Variants in ELAPOR2 observed in about 807,000 individuals in gnomAD.
ELAPOR2 encodes endosome-lysosome associated apoptosis and autophagy regulator family member 2, also known as endosome/lysosome-associated apoptosis and autophagy regulator family member 2.
In ELAPOR2, 89 loss-of-function variants were observed where a neutral mutation model predicts 120.7. The observed-to-expected ratio is 0.74, with a 90% CI of 0.62 to 0.88. The LOEUF is 0.88. Among genes scored for constraint, ELAPOR2 ranks in the 40% least tolerant of loss-of-function variants. ELAPOR2 has a pLI of 0.00. For synonymous variants in ELAPOR2, 444 were observed against 444.9 expected (o/e 1.00, Z 0.03); for missense variants, 1,134 against 1,251.6 (o/e 0.91, Z 1.42).
intron 1 of ELAPOR2, among the ~76,000 whole-genome samples, chr7:86,974,580 AGTGTGTGTGTGTGT>A (rs35712048): frequency 3.9e-4 from 54 of 138,828 alleles, no homozygotes; most frequent in African/African-American, 1.4e-3. Flanking sequence ...GAACCCCTGT[AGTGTGTGTGTGTGT>A]GTGTGTGTGT....
chr7:87,000,440 T>G (rs1635010), intron 1 of ELAPOR2, among the ~76,000 whole-genome samples: 57,518 of 151,898 alleles, frequency 0.38, 11,740 homozygotes, highest in African/African-American at 0.53. Flanking sequence ...ATGCCTGAAG[T>G]TGTCTAGAAG....
chr7:87,004,975 A>T (rs1793427179), intron 1 of ELAPOR2, among the ~76,000 whole-genome samples: 1 of 152,124 alleles, frequency 6.6e-6, no homozygotes, highest in Non-Finnish European at 1.5e-5. Flanking sequence ...GAGATCTCCA[A>T]GGCAGCTTCC....
intron 1 of ELAPOR2, among the ~76,000 whole-genome samples, chr7:87,053,198 T>C (rs1343772715): frequency 6.6e-6 from 1 of 152,208 alleles, no homozygotes; most frequent in African/African-American, 2.4e-5. Flanking sequence ...TGTTTATAAC[T>C]GAAAAAGCAG....
intron 21 of ELAPOR2, among the ~76,000 whole-genome samples, chr7:86,890,786 A>T (rs1468893037): frequency 1.3e-5 from 2 of 152,058 alleles, no homozygotes; most frequent in African/African-American, 2.4e-5. Flanking sequence ...AAAATTAACC[A>T]TTAGTAGAAG....
At chr7:86,977,772 T>A (rs1390652381) in intron 1 of ELAPOR2, among the ~76,000 whole-genome samples, 1 of 152,134 alleles carries the variant, frequency 6.6e-6, no homozygotes, top group African/African-American at 2.4e-5. Flanking sequence ...TAAAAACCTA[T>A]CATAATATCA....
chr7:86,960,060 G>GA (rs147829692), intron 2 of ELAPOR2, among the ~76,000 whole-genome samples: 5 of 152,068 alleles, frequency 3.3e-5, no homozygotes, highest in Non-Finnish European at 7.4e-5. Flanking sequence ...ATTGTAGTCA[G>GA]AAAAAATACT....
chr7:86,961,985 T>G (rs1337206780), intron 2 of ELAPOR2, among the ~76,000 whole-genome samples: 1 of 152,002 alleles, frequency 6.6e-6, no homozygotes, highest in African/African-American at 2.4e-5. Context: ...AAAAAGACAA[T>G]GGGGATCAGT....
At chr7:87,008,064 C>G (rs1793542794) in intron 1 of ELAPOR2, among the ~76,000 whole-genome samples, 1 of 152,178 alleles carries the variant, frequency 6.6e-6, no homozygotes, top group African/African-American at 2.4e-5. Context: ...AAAGCGAAAT[C>G]AGTAATTTTA....
In ELAPOR2 at chr7:87,014,923, A is replaced by T. The variant is rs1048734572; in HGVS notation, c.189+44402T>A. Among the ~76,000 whole-genome samples, 3 of 152,182 alleles carry T rather than the reference A, an allele frequency of 2.0e-5. No individual in the cohort carries two copies. The East Asian group carries it at 5.8e-4, about 29-fold the overall frequency. Reference sequence around the variant, plus strand: ...CAGGTGTATGCATTTGTCCAAACACATCAAATTGTATACATTAAAGATGTG... The same window carrying T: ...CAGGTGTATGCATTTGTCCAAACACTTCAAATTGTATACATTAAAGATGTG... On this transcript the variant is annotated intron_variant, in intron 1 of 21. Transcript: ENST00000450689.
At position 86,950,024 on chromosome 7, in the gene ELAPOR2, T is replaced by G. The variant is rs75755333; in HGVS notation, c.311-2102A>C. 4.3e-3 allele frequency among the ~76,000 whole-genome samples: 652 copies of G among 152,278 alleles called. 5 individuals carry two copies. Among genetic ancestry groups the G allele is most frequent in the African/African-American group, 0.015 (628 of 41,568 alleles). On this transcript the variant is annotated intron_variant, in intron 2 of 21. Transcript: ENST00000450689. ...GTGCTTTTTCCCCCCAGACTGCCCA[T>G]GGCCGCCCATTGACCAATCAGCACA...
At position 86,984,229 on chromosome 7, in the gene ELAPOR2, T is replaced by A. The variant is rs1231000377; in HGVS notation, c.190-19205A>T. Among the ~76,000 whole-genome samples the A allele has an allele frequency of 3.3e-5, 5 of 152,004 alleles. No homozygotes were observed. In the East Asian group the frequency reaches 7.7e-4, roughly 23 times the overall value. ...AAAAAAGACTTAGACTCCCACACAA[T>A]AATAATGGGAGACTTTAACACCCCA... On this transcript the variant is annotated intron_variant, in intron 1 of 21. Transcript: ENST00000450689.
intron 1 of ELAPOR2, among the ~76,000 whole-genome samples, chr7:86,982,331 G>A (rs1029974219): frequency 6.6e-6 from 1 of 152,220 alleles, no homozygotes; most frequent in African/African-American, 2.4e-5. Flanking sequence ...TGGTGTTTGA[G>A]CTCTGAGAAA....
intron 1 of ELAPOR2, among the ~76,000 whole-genome samples, chr7:86,980,216 T>C (rs1019864195): frequency 6.6e-6 from 1 of 152,216 alleles, no homozygotes; most frequent in Non-Finnish European, 1.5e-5. Flanking sequence ...AATAGTGCCT[T>C]TGAATTAAGG....
At chr7:86,888,828 C>T (rs1279366269) in intron 21 of ELAPOR2, among the ~76,000 whole-genome samples, 2 of 152,122 alleles carry the variant, frequency 1.3e-5, no homozygotes, top group Non-Finnish European at 2.9e-5. Flanking sequence ...AAGCCACTTA[C>T]AGGAACAGTC....
chr7:86,943,317 A>C (rs11982433), intron 4 of ELAPOR2, among the ~76,000 whole-genome samples: 3,593 of 151,972 alleles, frequency 0.024, 133 homozygotes, highest in African/African-American at 0.082. Context: ...AAAAAATAGA[A>C]GGGCTGAATG....
rs777391220 is a variant in ELAPOR2 at position 86,913,086 on chromosome 7, G to A, written c.1850C>T (p.Ser617Leu). The change falls in exon 14 of 22, where the codon TCG (serine) becomes TTG (leucine). Residue 617 changes from serine to leucine, a missense_variant. Coordinates refer to ENST00000450689, the MANE Select transcript of ELAPOR2 (RefSeq NM_001142749.3). ...CALGSEQSGS[S>L]CVPCPPGHYI... The stretch of plus-strand genomic sequence containing the variant: ...GTGGCCTGGAGGGCAGGGGACACAC[G>A]ATGAACCCGACTGTTCAGAACCGAG... The A allele has an allele frequency of 1.4e-5, 22 of 1,613,928 alleles. No homozygotes were observed. Among genetic ancestry groups the A allele is most frequent in the African/African-American group, 9.3e-5 (7 of 74,910 alleles).
In ELAPOR2 at chr7:86,891,602, G is replaced by C. The variant is rs541587857; in HGVS notation, c.3030+122C>G. 7.2e-5 allele frequency: 52 copies of C among 719,596 alleles called. No homozygotes were observed. In the South Asian group the frequency reaches 1.0e-3, roughly 14 times the overall value. 44.6% of individuals were successfully genotyped at this position (719,596 alleles called of 1,614,324 possible). A position where few individuals can be genotyped will look rare whatever the true frequency, so the allele number is the denominator to read the frequency against. ...ATGTGCTTCTAAGAGTATTTCTGTT[G>C]GATAAATACCCACTGAGATATAAAC... On this transcript the variant is annotated intron_variant, in intron 21 of 21. Transcript: ENST00000450689.
In ELAPOR2 at chr7:86,908,150, T is replaced by TACAC. The variant is rs144805388; in HGVS notation, c.2456+293_2456+296dup. 6.2e-3 allele frequency among the ~76,000 whole-genome samples: 894 copies of TACAC among 144,338 alleles called. 3 individuals are homozygous for TACAC. The highest frequency in any genetic ancestry group is 8.7e-3 in the East Asian group (43 of 4,932). 94.7% of individuals were successfully genotyped at this position (144,338 alleles called of 152,430 possible). ...TCTCTTTACTGCCAATGTAAGTGAA[T>TACAC]ACACACACACACACACACACACACA... On this transcript the variant is annotated intron_variant, in intron 17 of 21. Coordinates refer to ENST00000450689, the MANE Select transcript of ELAPOR2 (RefSeq NM_001142749.3).
At chr7:87,040,379 G>A (rs1167186077) in intron 1 of ELAPOR2, among the ~76,000 whole-genome samples, 1 of 152,224 alleles carries the variant, frequency 6.6e-6, no homozygotes, top group Non-Finnish European at 1.5e-5. Context: ...CTGTCTGACA[G>A]CTTTGAAGAG....
Sources: allele counts gnomAD v4.1 joint callset (sites outside exome capture counted in the v4.1 genomes callset), GRCh38; gene constraint gnomAD v4.1.1; transcripts MANE v1.5; gene names NCBI Gene and HGNC (gene_info 2026-07-23, HGNC 2026-07-21).